The following ANKRD30A variants were observed in gnomAD, a reference collection of about 807,000 sequenced individuals.
The protein encoded by ANKRD30A is ankyrin repeat domain-containing protein 30A.
In ANKRD30A, 170 loss-of-function variants were observed where a neutral mutation model predicts 166.3. That is an observed-to-expected ratio of 1.02 (90% CI 0.90 to 1.16). The LOEUF is 1.16. ANKRD30A is among the 50% of genes most tolerant of loss of function. ANKRD30A has a pLI of 0.00. For missense variants in ANKRD30A, 1,630 were observed against 1,518.0 expected, an observed-to-expected ratio of 1.07 and a Z score of -1.23; for synonymous variants, 564 against 508.9, an observed-to-expected ratio of 1.11 and a Z score of -1.46.
intron 34 of ANKRD30A, among the ~76,000 whole-genome samples, chr10:37,229,749 C>T (rs80044377): frequency 2.6e-5 from 4 of 151,910 alleles, no homozygotes; most frequent in East Asian, 1.9e-4. Context: ...TTATAATTAC[C>T]TTAAAATGTA....
chr10:37,213,123 C>T (rs1032858584), intron 31 of ANKRD30A, among the ~76,000 whole-genome samples: 7 of 151,672 alleles, frequency 4.6e-5, no homozygotes, highest in African/African-American at 1.2e-4. Context: ...GCGTTTTATT[C>T]GTTCCATCTC....
intron 1 of ANKRD30A, among the ~76,000 whole-genome samples, chr10:37,128,747 C>A (rs1836205105): frequency 6.6e-6 from 1 of 151,952 alleles, no homozygotes; most frequent in Admixed American, 6.6e-5. Flanking sequence ...CTTGCTCAGC[C>A]TGAGCAAAGT....
chr10:37,154,582 A>G (rs4261233), intron 13 of ANKRD30A, among the ~76,000 whole-genome samples: 1 of 152,168 alleles, frequency 6.6e-6, no homozygotes, highest in Non-Finnish European at 1.5e-5. Context: ...TAGATGGAAG[A>G]TACTACCACT....
intron 31 of ANKRD30A, among the ~76,000 whole-genome samples, chr10:37,215,105 T>C (rs1842535780): frequency 6.6e-6 from 1 of 151,640 alleles, no homozygotes; most frequent in Non-Finnish European, 1.5e-5. Context: ...ACTTATCTTC[T>C]TGATTTTTAT....
the ANKRD30A span, among the ~76,000 whole-genome samples, chr10:37,252,992 A>G: frequency 1.3e-5 from 2 of 152,232 alleles, no homozygotes; most frequent in Non-Finnish European, 2.9e-5. Context: ...AAATACTGTT[A>G]TTAGAAGGAA....
chr10:37,190,030 A>G (rs1378786389), intron 25 of ANKRD30A, among the ~76,000 whole-genome samples: 2 of 151,880 alleles, frequency 1.3e-5, no homozygotes, highest in African/African-American at 4.8e-5. Context: ...CTGACTCTTA[A>G]TGTCTTTCTC....
chr10:37,229,744 A>G (rs1213146052), intron 34 of ANKRD30A, among the ~76,000 whole-genome samples: 2 of 152,124 alleles, frequency 1.3e-5, no homozygotes, highest in East Asian at 3.9e-4. Flanking sequence ...GCAGCTTATA[A>G]TTACCTTAAA....
chr10:37,246,828 C>A, the ANKRD30A span, among the ~76,000 whole-genome samples: 4 of 152,124 alleles, frequency 2.6e-5, no homozygotes, highest in African/African-American at 9.7e-5. Flanking sequence ...AGGATGCTTA[C>A]CAGATCCTGC....
intron 34 of ANKRD30A, among the ~76,000 whole-genome samples, chr10:37,224,090 T>C (rs1425764829): frequency 2.0e-5 from 3 of 151,268 alleles, no homozygotes; most frequent in Non-Finnish European, 4.4e-5. Context: ...AACTGAAACT[T>C]TTTTTGAATA....
chr10:37,216,041 T>A, intron 31 of ANKRD30A, 140 bp from the exon 32 acceptor site: 1 of 443,888 alleles, frequency 2.3e-6, no homozygotes, highest in Non-Finnish European at 3.8e-6. Context: ...CTGTTTAATC[T>A]GCAGAGCTTA....
At chr10:37,146,956 A>G (rs1169695683) in intron 8 of ANKRD30A, among the ~76,000 whole-genome samples, 1 of 151,646 alleles carries the variant, frequency 6.6e-6, no homozygotes. Context: ...TTATATAACT[A>G]CCTCTAATAT....
chr10:37,246,853 T>G, the ANKRD30A span, among the ~76,000 whole-genome samples: 1 of 152,184 alleles, frequency 6.6e-6, no homozygotes, highest in Non-Finnish European at 1.5e-5. Context: ...TAGAGGCCAA[T>G]AGCACCTCAT....
chr10:37,224,522 T>TA (rs933333101), intron 34 of ANKRD30A, among the ~76,000 whole-genome samples: 46 of 150,986 alleles, frequency 3.0e-4, no homozygotes, highest in African/African-American at 1.0e-3. Flanking sequence ...TATGTTATAA[T>TA]AAAAAATATG....
At chr10:37,204,682 G>T (rs972276019) in intron 31 of ANKRD30A, among the ~76,000 whole-genome samples, 4 of 150,780 alleles carry the variant, frequency 2.7e-5, no homozygotes, top group South Asian at 2.1e-4. Flanking sequence ...GAATGAACAG[G>T]CAACCTTTTT....
Position 37,216,176 on chromosome 10 carries a change from G to C in ANKRD30A, c.2870-5G>C. 6.3e-7 allele frequency: 1 copy of C among 1,577,340 alleles called. No homozygotes were observed. The highest frequency in any genetic ancestry group is 8.6e-7 in the Non-Finnish European group (1 of 1,156,750). On this transcript the variant is annotated splice_polypyrimidine_tract_variant and splice_region_variant and intron_variant, in intron 31 of 35. Transcript: ENST00000361713. Reference sequence around the variant, plus strand: ...TATTTTATTTGTATCTCCTCCTTGAGACAGATTCAACTAGCCTATCAAAAA... The same window carrying C: ...TATTTTATTTGTATCTCCTCCTTGACACAGATTCAACTAGCCTATCAAAAA...
chr10:37,247,364 T>A, the ANKRD30A span, among the ~76,000 whole-genome samples: 1 of 152,162 alleles, frequency 6.6e-6, no homozygotes, highest in Non-Finnish European at 1.5e-5. Flanking sequence ...GCCAATAAAA[T>A]ATTTATGATG....
intron 31 of ANKRD30A, among the ~76,000 whole-genome samples, chr10:37,213,906 G>T (rs551597024): frequency 2.2e-4 from 34 of 151,460 alleles, no homozygotes; most frequent in Admixed American, 1.3e-3. Flanking sequence ...ATTAAGATAT[G>T]ATCTAGAATA....
chr10:37,238,844 T>C, the ANKRD30A span, among the ~76,000 whole-genome samples: 17 of 152,156 alleles, frequency 1.1e-4, no homozygotes, highest in Admixed American at 2.0e-4. Context: ...TATTGAGTTA[T>C]TTCCTTTACA....
intron 25 of ANKRD30A, among the ~76,000 whole-genome samples, chr10:37,191,570 T>G (rs923298195): frequency 6.6e-6 from 1 of 152,062 alleles, no homozygotes; most frequent in Non-Finnish European, 1.5e-5. Flanking sequence ...AGTTTTCTCC[T>G]TATCAGTCAG....
Sources: gnomAD v4.1 joint callset for allele counts (sites outside exome capture counted in the v4.1 genomes callset) on GRCh38, gnomAD v4.1.1 for gene constraint, MANE v1.5 for transcripts, NCBI Gene and HGNC (gene_info 2026-07-23, HGNC 2026-07-21) for gene names.